Variants in QTMAN observed in about 807,000 individuals in gnomAD.
QTMAN encodes the protein queuosine-tRNA mannosyltransferase.
chr2:144,327,473 G>C, the QTMAN span, among the ~76,000 whole-genome samples: 1 of 152,144 alleles, frequency 6.6e-6, no homozygotes, highest in Non-Finnish European at 1.5e-5. Context: ...AAAAATCACC[G>C]ATTTATGGGA....
chr2:144,168,586 A>T, the QTMAN span, among the ~76,000 whole-genome samples: 1 of 152,188 alleles, frequency 6.6e-6, no homozygotes, highest in Non-Finnish European at 1.5e-5. Flanking sequence ...CAGTACATAG[A>T]GACTACGATA....
the QTMAN span, among the ~76,000 whole-genome samples, chr2:144,321,063 T>C: frequency 6.6e-6 from 1 of 152,182 alleles, no homozygotes; most frequent in Non-Finnish European, 1.5e-5. Flanking sequence ...AAAACATCTC[T>C]TATGTTTTAG....
chr2:143,958,455 A>C, the QTMAN span, among the ~76,000 whole-genome samples: 1 of 152,120 alleles, frequency 6.6e-6, no homozygotes, highest in Non-Finnish European at 1.5e-5. Context: ...ATGCGTGTAA[A>C]ACCATAGAGA....
the QTMAN span, among the ~76,000 whole-genome samples, chr2:144,058,152 A>G: frequency 7.2e-6 from 1 of 138,950 alleles, no homozygotes; most frequent in African/African-American, 2.8e-5. Flanking sequence ...ACACACACAC[A>G]CACACACACA....
At chr2:144,025,312 T>C in the QTMAN span, among the ~76,000 whole-genome samples, 9 of 152,156 alleles carry the variant, frequency 5.9e-5, no homozygotes, top group Admixed American at 5.9e-4. Context: ...CACAGAATTC[T>C]TGGGAGAACC....
chr2:143,978,305 T>C, the QTMAN span, among the ~76,000 whole-genome samples: 2 of 152,188 alleles, frequency 1.3e-5, no homozygotes, highest in Non-Finnish European at 2.9e-5. Context: ...CTAATGACCT[T>C]TTCCCCAGTT....
At chr2:144,075,659 C>A in the QTMAN span, among the ~76,000 whole-genome samples, 2 of 152,166 alleles carry the variant, frequency 1.3e-5, no homozygotes, top group East Asian at 3.9e-4. Context: ...CTGTTTTCAC[C>A]TTTTATTCAA....
At chr2:144,318,064 T>C in the QTMAN span, among the ~76,000 whole-genome samples, 2 of 152,176 alleles carry the variant, frequency 1.3e-5, no homozygotes, top group Non-Finnish European at 2.9e-5. Context: ...TTTCCCCTTA[T>C]TGAAGGCCTC....
the QTMAN span, among the ~76,000 whole-genome samples, chr2:144,084,696 C>T: frequency 6.6e-6 from 1 of 152,152 alleles, no homozygotes; most frequent in Admixed American, 6.5e-5. Context: ...ATGACAGTAA[C>T]ATATTGTCTT....
chr2:144,221,321 C>T, the QTMAN span, among the ~76,000 whole-genome samples: 2 of 152,014 alleles, frequency 1.3e-5, no homozygotes, highest in African/African-American at 2.4e-5. Flanking sequence ...CAGTCTTTCC[C>T]CCAATTAAAA....
chr2:144,129,166 A>G, the QTMAN span, among the ~76,000 whole-genome samples: 1 of 151,972 alleles, frequency 6.6e-6, no homozygotes, highest in African/African-American at 2.4e-5. Flanking sequence ...TCTTTTACTC[A>G]TAGATGACTT....
chr2:144,145,520 A>T, the QTMAN span: 1 of 1,370,746 alleles, frequency 7.3e-7, no homozygotes, highest in Non-Finnish European at 1.0e-6. Context: ...GTAACCACCT[A>T]CAAAGAAAAA....
At chr2:144,008,755 C>T in the QTMAN span, among the ~76,000 whole-genome samples, 1 of 151,934 alleles carries the variant, frequency 6.6e-6, no homozygotes, top group Non-Finnish European at 1.5e-5. Flanking sequence ...AATCAAGAAC[C>T]CTCAAAGAAC....
chr2:144,112,930 T>C, the QTMAN span, among the ~76,000 whole-genome samples: 1 of 151,964 alleles, frequency 6.6e-6, no homozygotes. Context: ...CATCTCACAA[T>C]AATAAGGCAG....
chr2:144,148,494 C>A, the QTMAN span, among the ~76,000 whole-genome samples: 1 of 151,724 alleles, frequency 6.6e-6, no homozygotes, highest in Non-Finnish European at 1.5e-5. Context: ...TTTGAAGTAA[C>A]AGGCATTAAA....
chr2:144,307,159 T>TAAAAAAAAAAAAAAAAAAAAAAAAAA, the QTMAN span, among the ~76,000 whole-genome samples: 1 of 40,466 alleles, frequency 2.5e-5, no homozygotes, highest in Non-Finnish European at 4.0e-5. Flanking sequence ...GACTCCGTCT[T>TAAAAAAAAAAAAAAAAAAAAAAAAAA]AAAAAAAAAA....
chr2:144,283,451 G>T, the QTMAN span, among the ~76,000 whole-genome samples: 2 of 151,934 alleles, frequency 1.3e-5, no homozygotes, highest in African/African-American at 2.4e-5. Context: ...TTATACACAC[G>T]GCAAAAAAGG....
chr2:144,176,951 A>C, the QTMAN span, among the ~76,000 whole-genome samples: 2 of 152,194 alleles, frequency 1.3e-5, no homozygotes, highest in South Asian at 2.1e-4. Flanking sequence ...GGAAACTTAC[A>C]ATCACCGCAG....
At chr2:144,297,891 C>T in the QTMAN span, among the ~76,000 whole-genome samples, 1 of 148,882 alleles carries the variant, frequency 6.7e-6, no homozygotes, top group African/African-American at 2.5e-5. Flanking sequence ...GATTCCATCT[C>T]TTAAAAAAGA....
Sources: gnomAD v4.1 joint callset for allele counts (sites outside exome capture counted in the v4.1 genomes callset) on GRCh38, gnomAD v4.1.1 for gene constraint, MANE v1.5 for transcripts, NCBI Gene and HGNC (gene_info 2026-07-23, HGNC 2026-07-21) for gene names.